SOX5: variants seen among roughly 807,000 people sequenced by gnomAD.
SOX5 encodes the protein SRY-box transcription factor 5.
In SOX5, 9 loss-of-function variants were observed where a neutral mutation model predicts 92.0. The observed-to-expected ratio is 0.10, with a 90% CI of 0.06 to 0.17. SOX5 has a LOEUF of 0.17. SOX5 is among the 10% of genes least tolerant of loss of function. SOX5 has a pLI of 1.00. For synonymous variants in SOX5, 344 were observed against 336.3 expected (o/e 1.02, Z -0.25); for missense variants, 642 against 944.5 (o/e 0.68, Z 4.20).
chr12:23,666,091 T>G (rs1436018196), intron 6 of SOX5, among the ~76,000 whole-genome samples: 1 of 152,048 alleles, frequency 6.6e-6, no homozygotes, highest in Non-Finnish European at 1.5e-5. Flanking sequence ...GAAGAAAGAT[T>G]ACAGAATAGC....
intron 4 of SOX5, among the ~76,000 whole-genome samples, chr12:24,076,085 T>G (rs1942551325): frequency 1.3e-5 from 2 of 152,072 alleles, no homozygotes; most frequent in African/African-American, 4.8e-5. Flanking sequence ...AATGAGAGAG[T>G]GTTTTTTGTC....
intron 4 of SOX5, among the ~76,000 whole-genome samples, chr12:23,747,104 G>A (rs1487690541): frequency 6.6e-6 from 1 of 152,010 alleles, no homozygotes; most frequent in African/African-American, 2.4e-5. Flanking sequence ...CGTGAAAACA[G>A]ACTAATACAC....
chr12:24,317,098 T>C (rs1565891880), intron 2 of SOX5, among the ~76,000 whole-genome samples: 1 of 152,220 alleles, frequency 6.6e-6, no homozygotes, highest in African/African-American at 2.4e-5. Context: ...GATAATGAGA[T>C]AAAGAAAGAG....
At chr12:24,454,023 T>C (rs1294169347) in intron 1 of SOX5, among the ~76,000 whole-genome samples, 5 of 152,342 alleles carry the variant, frequency 3.3e-5, no homozygotes, top group African/African-American at 1.2e-4. Flanking sequence ...AATCTAATTA[T>C]CTGTGACCCA....
At chr12:24,209,423 T>A (rs1257895255) in intron 4 of SOX5, among the ~76,000 whole-genome samples, 1 of 152,224 alleles carries the variant, frequency 6.6e-6, no homozygotes, top group Non-Finnish European at 1.5e-5. Context: ...GGAAAGAATT[T>A]AGAATAATAT....
chr12:24,275,105 A>G (rs1944287308), intron 3 of SOX5, among the ~76,000 whole-genome samples: 1 of 152,174 alleles, frequency 6.6e-6, no homozygotes, highest in African/African-American at 2.4e-5. Context: ...ACAGAGATAT[A>G]TATAGTGTCT....
chr12:23,597,904 A>G (rs1952732378), intron 9 of SOX5, among the ~76,000 whole-genome samples: 1 of 152,246 alleles, frequency 6.6e-6, no homozygotes, highest in Non-Finnish European at 1.5e-5. Flanking sequence ...AAATGCGGTT[A>G]TAATTAGCTG....
chr12:24,459,468 T>C (rs1283474563), intron 1 of SOX5, among the ~76,000 whole-genome samples: 22 of 152,342 alleles, frequency 1.4e-4, no homozygotes, highest in Non-Finnish European at 5.9e-5. Context: ...TAATGTCCCC[T>C]GCTTCTCCAG....
At chr12:23,959,834 C>T (rs1216957532) in intron 4 of SOX5, among the ~76,000 whole-genome samples, 1 of 152,090 alleles carries the variant, frequency 6.6e-6, no homozygotes, top group Non-Finnish European at 1.5e-5. Flanking sequence ...TACTATATGA[C>T]AATTTTTTAA....
At chr12:24,516,062 C>T (rs537517835) in intron 1 of SOX5, among the ~76,000 whole-genome samples, 45 of 143,776 alleles carry the variant, frequency 3.1e-4, no homozygotes, top group Non-Finnish European at 5.4e-4. Flanking sequence ...TTTTTTTAAG[C>T]GACAGAGTCT....
At chr12:24,136,631 G>A (rs530844965) in intron 4 of SOX5, among the ~76,000 whole-genome samples, 1 of 152,290 alleles carries the variant, frequency 6.6e-6, no homozygotes, top group African/African-American at 2.4e-5. Flanking sequence ...CAGTGAGGGG[G>A]AAGGTGGGGA....
intron 1 of SOX5, among the ~76,000 whole-genome samples, chr12:24,530,680 T>C (rs1374114945): frequency 6.7e-6 from 1 of 149,650 alleles, no homozygotes; most frequent in Admixed American, 6.7e-5. Context: ...TTCATTGCCT[T>C]CTCTACTCGT....
chr12:23,701,767 G>A (rs908048991), intron 6 of SOX5, among the ~76,000 whole-genome samples: 1 of 152,062 alleles, frequency 6.6e-6, no homozygotes, highest in African/African-American at 2.4e-5. Flanking sequence ...GGTAGTTTGT[G>A]CCAGATCCCA....
At chr12:23,759,664 A>C (rs995138236) in intron 3 of SOX5, among the ~76,000 whole-genome samples, 3 of 152,126 alleles carry the variant, frequency 2.0e-5, no homozygotes, top group Admixed American at 1.3e-4. Context: ...TGCATGTTTC[A>C]AAATGTAAAG....
chr12:23,807,944 G>A (rs1167214260), intron 3 of SOX5, among the ~76,000 whole-genome samples: 1 of 151,944 alleles, frequency 6.6e-6, no homozygotes, highest in Non-Finnish European at 1.5e-5. Flanking sequence ...CACTGCATCT[G>A]GACAAAAATT....
intron 4 of SOX5, among the ~76,000 whole-genome samples, chr12:23,957,460 C>A (rs74069813): frequency 1.3e-5 from 2 of 152,068 alleles, no homozygotes; most frequent in Non-Finnish European, 2.9e-5. Context: ...AAATACCTCA[C>A]GTGTGTGATG....
chr12:24,426,289 A>G lies in SOX5; in HGVS notation c.-250-57650T>C, dbSNP rs188482556. On this transcript the variant is annotated intron_variant, in intron 1 of 4. Transcript: ENST00000446891. ...ACAATGAGAACACAAGGCGGGGAACATCACACATTGGGGCCTGTCGGGGGG... is the reference window on the plus strand; with the variant it reads ...ACAATGAGAACACAAGGCGGGGAACGTCACACATTGGGGCCTGTCGGGGGG... Among the ~76,000 whole-genome samples, 39 of 149,574 alleles carry G rather than the reference A, an allele frequency of 2.6e-4. 2 individuals carry two copies. Among genetic ancestry groups the G allele is most frequent in the Admixed American group, 2.1e-3 (32 of 14,918 alleles).
Position 23,761,906 on chromosome 12 carries a change from G to T in SOX5, c.482-6182C>A, listed in dbSNP as rs1206015562. Among the ~76,000 whole-genome samples, 3 of 152,112 alleles carry T rather than the reference G, an allele frequency of 2.0e-5. No homozygotes were observed. In the East Asian group the frequency reaches 5.8e-4, roughly 29 times the overall value. ...AACTGAAGAATAAATACAAGTTAGT[G>T]CATTTATTTAACCGAATTTATTTTT... is the stretch of plus-strand genomic sequence containing the variant. On this transcript the variant is annotated intron_variant, in intron 3 of 14. Transcript: ENST00000451604.
chr12:23,575,906 G>A, intron 9 of SOX5, 68 bp from the exon 10 acceptor site: 1 of 1,203,290 alleles, frequency 8.3e-7, no homozygotes, highest in Non-Finnish European at 1.2e-6. Flanking sequence ...GAAAAACACA[G>A]GTATGCAGCC....
Sources: gnomAD v4.1 joint callset for allele counts (sites outside exome capture counted in the v4.1 genomes callset) on GRCh38, gnomAD v4.1.1 for gene constraint, MANE v1.5 for transcripts, NCBI Gene and HGNC (gene_info 2026-07-23, HGNC 2026-07-21) for gene names.